The following CRTC1 variants were observed in gnomAD, a reference collection of about 807,000 sequenced individuals.
CRTC1 encodes the protein CREB-regulated transcription coactivator 1.
In CRTC1, 18 loss-of-function variants were observed where a neutral mutation model predicts 66.1. The ratio of observed to expected loss-of-function variants is 0.27; its 90% CI spans 0.19 to 0.40. The LOEUF (loss-of-function observed/expected upper bound fraction) is 0.40, where lower values mean the gene tolerates loss of function less well. Among genes scored for constraint, CRTC1 ranks in the 10% least tolerant of loss-of-function variants. The probability of loss-of-function intolerance (pLI) is 1.00; values close to 1 mark genes in which losing one functional copy is unlikely to be tolerated. For synonymous variants in CRTC1, 416 were observed against 398.8 expected (o/e 1.04, Z -0.51); for missense variants, 669 against 887.9 (o/e 0.75, Z 3.13).
intron 9 of CRTC1, among the ~76,000 whole-genome samples, chr19:18,767,362 C>T (rs924743095): frequency 4.6e-5 from 7 of 152,004 alleles, no homozygotes; most frequent in African/African-American, 1.7e-4. Flanking sequence ...CCATGCCCAG[C>T]TGAGTTTTGT....
At chr19:18,775,203 C>T (rs1476440917) in intron 12 of CRTC1, among the ~76,000 whole-genome samples, 1 of 152,250 alleles carries the variant, frequency 6.6e-6, no homozygotes, top group Non-Finnish European at 1.5e-5. Flanking sequence ...CCCCTGGCAT[C>T]TTTGCCCACC....
At chr19:18,774,868 G>A (rs760575766) in intron 11 of CRTC1, 32 bp from the exon 12 acceptor site, 24 of 1,605,518 alleles carry the variant, frequency 1.5e-5, no homozygotes, top group Admixed American at 6.7e-5. Context: ...GCCTCAGGCC[G>A]TGACCACAGC....
chr19:18,727,498 T>TTCC (rs2053785041), intron 1 of CRTC1, among the ~76,000 whole-genome samples: 1 of 138,186 alleles, frequency 7.2e-6, no homozygotes, highest in African/African-American at 2.7e-5. Flanking sequence ...GGAGAATCGC[T>TTCC]TAAACCTGGG....
At position 18,768,487 on chromosome 19, in the gene CRTC1, T is replaced by G. The variant is rs755688659; in HGVS notation, c.1014T>G (p.Ala338=). 19 of 1,608,750 alleles carry G rather than the reference T, an allele frequency of 1.2e-5. No individual in the cohort carries two copies. The Admixed American group carries it at 3.2e-4, about 27-fold the overall frequency. Residue 338 remains alanine, a splice_region_variant and synonymous_variant, in exon 10 of 14, where the codon GCT becomes GCG. Coordinates refer to ENST00000321949, the MANE Select transcript of CRTC1 (RefSeq NM_015321.3). The surrounding 1 kb of genome is among the most constrained non-coding windows in gnomAD (Gnocchi z 5.6). ...CCTGACGCTCTCCTCTCCTGCAGGC[T>G]GTAGCCATGGACGCCCTGTCTCTGG... ...TLSPLSPITQ[A]VAMDALSLEQ...
chr19:18,709,804 G>A (rs1234144072), intron 1 of CRTC1, among the ~76,000 whole-genome samples: 7 of 152,206 alleles, frequency 4.6e-5, no homozygotes. Flanking sequence ...GCCGGGGACA[G>A]CTGCCTGGCG....
At chr19:18,728,559 G>A (rs1411510530) in intron 1 of CRTC1, among the ~76,000 whole-genome samples, 14 of 152,066 alleles carry the variant, frequency 9.2e-5, no homozygotes, top group Admixed American at 7.9e-4. Context: ...CCAGGCTGGG[G>A]TGCAATAGTG....
In CRTC1 at chr19:18,780,466, G is replaced by A. The variant is rs187758747; in HGVS notation, c.*3084G>A. On this transcript the variant is annotated 3_prime_UTR_variant, in exon 14 of 14. Coordinates refer to ENST00000321949, the MANE Select transcript of CRTC1 (RefSeq NM_015321.3). ...GCCCTCATCAGGGCCCTGCTTGTGG[G>A]TTTTCGGCTCTGGGGAGGAGAGTGT... The A allele has an allele frequency of 2.9e-3, 678 of 231,900 alleles. 1 individual carries two copies. Among genetic ancestry groups the A allele is most frequent in the Non-Finnish European group, 4.1e-3 (482 of 117,170 alleles). The allele number at this position is 231,900 out of a possible 1,614,324, so 14.4% of individuals were successfully genotyped here. A position where few individuals can be genotyped will look rare whatever the true frequency, so the allele number is the denominator to read the frequency against.
intron 6 of CRTC1, among the ~76,000 whole-genome samples, chr19:18,754,678 G>A (rs1263473293): frequency 6.6e-6 from 1 of 152,220 alleles, no homozygotes; most frequent in Non-Finnish European, 1.5e-5. Context: ...ATTTGTTGAG[G>A]AAATAGTCTT....
chr19:18,737,066 G>T (rs1485583238), intron 1 of CRTC1, among the ~76,000 whole-genome samples: 1 of 152,154 alleles, frequency 6.6e-6, no homozygotes, highest in Non-Finnish European at 1.5e-5. Context: ...CTACCTAGGG[G>T]CTCCTGCTCC....
intron 2 of CRTC1, chr19:18,744,044 C>T: frequency 3.2e-6 from 5 of 1,573,466 alleles, no homozygotes; most frequent in Non-Finnish European, 4.4e-6. Context: ...AGGTCCCACG[C>T]ATCCCGCCTT....
chr19:18,745,677 A>C, intron 2 of CRTC1, 146 bp from the exon 3 acceptor site: 1 of 1,021,198 alleles, frequency 9.8e-7, no homozygotes, highest in Admixed American at 1.9e-5. Context: ...CTGAAGGAAG[A>C]AGCCCATCCC....
At chr19:18,698,466 C>T (rs779213073) in intron 1 of CRTC1, among the ~76,000 whole-genome samples, 12 of 148,870 alleles carry the variant, frequency 8.1e-5, no homozygotes, top group Admixed American at 6.7e-5. Flanking sequence ...AGTGTGTACT[C>T]AGCAGGCACT....
At chr19:18,707,760 C>A (rs1257624341) in intron 1 of CRTC1, among the ~76,000 whole-genome samples, 3 of 152,180 alleles carry the variant, frequency 2.0e-5, no homozygotes, top group Non-Finnish European at 4.4e-5. Context: ...TTTGGGAGGC[C>A]AAGGCAGGAG....
Position 18,779,578 on chromosome 19 carries a change from G to C in CRTC1, c.*2196G>C, listed in dbSNP as rs1164268169. On this transcript the variant is annotated 3_prime_UTR_variant, in exon 14 of 14. Transcript: ENST00000321949. Reference sequence around the variant, plus strand: ...ATTACAAGCAACCCGCCTGGATGCGGTTTTCAAAAGAAGGCATTGAGGACC... The same window carrying C: ...ATTACAAGCAACCCGCCTGGATGCGCTTTTCAAAAGAAGGCATTGAGGACC... 1.4e-5 allele frequency: 3 copies of C among 220,384 alleles called. No homozygotes were observed. 13.7% of individuals were successfully genotyped at this position (220,384 alleles called of 1,614,324 possible). A position where few individuals can be genotyped will look rare whatever the true frequency, so the allele number is the denominator to read the frequency against.
chr19:18,762,007 TCCAGATAGA>T (rs1342776368), intron 8 of CRTC1, among the ~76,000 whole-genome samples: 7 of 152,096 alleles, frequency 4.6e-5, no homozygotes, highest in Non-Finnish European at 8.8e-5. Context: ...CTTCATTGTC[TCCAGATAGA>T]CAGGGCCAGG....
At chr19:18,730,969 C>G (rs2145677369) in intron 1 of CRTC1, among the ~76,000 whole-genome samples, 1 of 152,042 alleles carries the variant, frequency 6.6e-6, no homozygotes, top group South Asian at 2.1e-4. Flanking sequence ...CTCCCTCCTT[C>G]CCTCCTTCCC....
intron 1 of CRTC1, among the ~76,000 whole-genome samples, chr19:18,725,678 C>A (rs770494093): frequency 6.6e-6 from 1 of 152,218 alleles, no homozygotes; most frequent in Non-Finnish European, 1.5e-5. Context: ...TCTTCCTGAG[C>A]CTCCCACCTC....
chr19:18,745,789 T>C (rs1427664657), intron 2 of CRTC1, 34 bp from the exon 3 acceptor site: 1 of 1,610,884 alleles, frequency 6.2e-7, no homozygotes. Flanking sequence ...TGTTTGGATT[T>C]CTCTCTCTCT....
At chr19:18,728,347 G>A (rs909031365) in intron 1 of CRTC1, among the ~76,000 whole-genome samples, 1 of 152,074 alleles carries the variant, frequency 6.6e-6, no homozygotes, top group Non-Finnish European at 1.5e-5. Flanking sequence ...AGCTTCAATC[G>A]CTGCCCAGGA....
Sources: gnomAD v4.1 joint callset for allele counts (sites outside exome capture counted in the v4.1 genomes callset) on GRCh38, gnomAD v4.1.1 for gene constraint, Gnocchi (gnomAD v3.1) non-coding constraint, MANE v1.5 for transcripts, NCBI Gene and HGNC (gene_info 2026-07-23, HGNC 2026-07-21) for gene names.